Variants in PDE4D observed in about 807,000 individuals in gnomAD.
PDE4D encodes the protein phosphodiesterase 4D, also known as 3',5'-cyclic-AMP phosphodiesterase 4D.
PDE4D carries 24 observed loss-of-function variants against 87.4 expected under a neutral mutation model. The ratio of observed to expected loss-of-function variants is 0.27; its 90% CI spans 0.20 to 0.39. PDE4D has a LOEUF of 0.39. Ranked by LOEUF, PDE4D falls within the 10% of genes least tolerant of loss-of-function variation. The probability of loss-of-function intolerance (pLI) is 1.00; values close to 1 mark genes in which losing one functional copy is unlikely to be tolerated. For synonymous variants in PDE4D, 384 were observed against 383.2 expected, an observed-to-expected ratio of 1.00 and a Z score of -0.02; for missense variants, 714 against 1,041.0, an observed-to-expected ratio of 0.69 and a Z score of 4.32.
chr5:59,409,944 G>A (rs1159700415), intron 1 of PDE4D, among the ~76,000 whole-genome samples: 1 of 151,922 alleles, frequency 6.6e-6, no homozygotes, highest in Non-Finnish European at 1.5e-5. Flanking sequence ...ATTCTTATGA[G>A]TACATAGTAA....
intron 1 of PDE4D, among the ~76,000 whole-genome samples, chr5:59,631,615 G>C (rs1029075187): frequency 6.6e-6 from 1 of 152,056 alleles, no homozygotes; most frequent in Admixed American, 6.5e-5. Context: ...AGCAGGGTGG[G>C]GCGTCTCCCC....
At chr5:59,057,739 G>A (rs1469651859) in intron 5 of PDE4D, among the ~76,000 whole-genome samples, 3 of 152,126 alleles carry the variant, frequency 2.0e-5, no homozygotes, top group Non-Finnish European at 2.9e-5. Context: ...GCTTGTCTTC[G>A]CTGATTTGGT....
intron 7 of PDE4D, among the ~76,000 whole-genome samples, chr5:58,992,253 T>C (rs546195808): frequency 6.6e-6 from 1 of 152,190 alleles, no homozygotes; most frequent in Non-Finnish European, 1.5e-5. Context: ...GTTACCTCTT[T>C]GATACAATGT....
chr5:60,171,255 CAGAG>C (rs918000380), intron 2 of PDE4D, among the ~76,000 whole-genome samples: 4 of 151,876 alleles, frequency 2.6e-5, no homozygotes, highest in Non-Finnish European at 4.4e-5. Context: ...TTTTTGGAGA[CAGAG>C]AGAAATAAAA....
chr5:59,737,319 A>T (rs1758206331), intron 1 of PDE4D, among the ~76,000 whole-genome samples: 1 of 152,128 alleles, frequency 6.6e-6, no homozygotes, highest in South Asian at 2.1e-4. Flanking sequence ...TATATTACAA[A>T]ATGCCTTTCG....
intron 5 of PDE4D, chr5:59,039,528 T>C: frequency 1.0e-6 from 1 of 985,702 alleles, no homozygotes; most frequent in East Asian, 1.1e-4. Flanking sequence ...CTGTTTTCTT[T>C]CTCAACTCCT....
rs545810849 is a variant in PDE4D at position 59,561,990 on chromosome 5, A to G, written c.455+331178T>C. 4.6e-5 allele frequency among the ~76,000 whole-genome samples: 7 copies of G among 152,120 alleles called. No individual in the cohort carries two copies. The East Asian group carries it at 1.2e-3, about 25-fold the overall frequency. ...TAACTCCTGAAAGTGAATACTGTAC[A>G]TGTTTGCATGCATTTTATTCTTTGT... On this transcript the variant is annotated intron_variant, in intron 1 of 14. Coordinates refer to ENST00000340635, the MANE Select transcript of PDE4D (RefSeq NM_001104631.2).
chr5:59,804,870 C>A (rs922554201), intron 1 of PDE4D, among the ~76,000 whole-genome samples: 1 of 152,204 alleles, frequency 6.6e-6, no homozygotes, highest in Non-Finnish European at 1.5e-5. Flanking sequence ...CAGCTCACTG[C>A]AACCTCTGCC....
chr5:59,446,137 T>C (rs1262882409), intron 1 of PDE4D, among the ~76,000 whole-genome samples: 1 of 152,296 alleles, frequency 6.6e-6, no homozygotes, highest in South Asian at 2.1e-4. Flanking sequence ...GTGCTATATG[T>C]ATACACATAT....
chr5:60,385,027 G>T (rs1238345899), intron 1 of PDE4D, among the ~76,000 whole-genome samples: 1 of 152,110 alleles, frequency 6.6e-6, no homozygotes, highest in Non-Finnish European at 1.5e-5. Flanking sequence ...AACGAACTGT[G>T]CTTTCTAAAT....
rs113277350 is a variant in PDE4D, at chr5:59,859,350, G to A, written c.455+33818C>T. Among the ~76,000 whole-genome samples, 279 of 152,254 alleles carry A rather than the reference G, an allele frequency of 1.8e-3. 1 individual carries two copies. The highest frequency in any genetic ancestry group is 6.5e-3 in the African/African-American group (269 of 41,546). On this transcript the variant is annotated intron_variant, in intron 1 of 14. Transcript: ENST00000340635. ...AATAGGCAGTGTAGGTGTATAGAGGGTGGTTTCTAATGGTCATACTTCACC... is the reference window on the plus strand; with the variant it reads ...AATAGGCAGTGTAGGTGTATAGAGGATGGTTTCTAATGGTCATACTTCACC...
At chr5:60,286,900 A>C (rs1256022143) in intron 1 of PDE4D, among the ~76,000 whole-genome samples, 1 of 152,196 alleles carries the variant, frequency 6.6e-6, no homozygotes, top group African/African-American at 2.4e-5. Flanking sequence ...TCTTAGCCAC[A>C]AAGGGATGAG....
At chr5:59,085,337 G>C (rs1429342968) in intron 5 of PDE4D, among the ~76,000 whole-genome samples, 2 of 152,032 alleles carry the variant, frequency 1.3e-5, no homozygotes, top group Non-Finnish European at 1.5e-5. Flanking sequence ...ATTGTTGTTA[G>C]TAAAACTCCT....
intron 5 of PDE4D, among the ~76,000 whole-genome samples, chr5:59,140,672 A>G (rs1388515433): frequency 6.6e-6 from 1 of 152,214 alleles, no homozygotes; most frequent in Non-Finnish European, 1.5e-5. Flanking sequence ...TTTGTTACTG[A>G]ATATTTTCCA....
intron 1 of PDE4D, among the ~76,000 whole-genome samples, chr5:60,320,775 G>A (rs1756176020): frequency 1.3e-5 from 2 of 152,064 alleles, no homozygotes; most frequent in African/African-American, 2.4e-5. Flanking sequence ...TCCAAGCTGA[G>A]AACCAAATCA....
intron 2 of PDE4D, among the ~76,000 whole-genome samples, chr5:60,102,792 C>T (rs937617897): frequency 1.3e-5 from 2 of 152,062 alleles, no homozygotes; most frequent in Non-Finnish European, 2.9e-5. Flanking sequence ...AATCAATTTG[C>T]TTGGGCACAA....
intron 1 of PDE4D, among the ~76,000 whole-genome samples, chr5:59,621,537 T>C (rs116461119): frequency 0.013 from 1,976 of 152,310 alleles, 41 homozygotes; most frequent in African/African-American, 0.043. Flanking sequence ...AAAATAATGA[T>C]TGGGTATTCC....
chr5:59,589,565 T>C (rs913451870), intron 1 of PDE4D, among the ~76,000 whole-genome samples: 1 of 152,214 alleles, frequency 6.6e-6, no homozygotes, highest in Non-Finnish European at 1.5e-5. Context: ...TTTAAAAAGA[T>C]GTAAAAATAT....
chr5:58,989,685 T>G (rs1747409368), intron 10 of PDE4D, 70 bp downstream of exon 10: 5 of 903,974 alleles, frequency 5.5e-6, no homozygotes, highest in Non-Finnish European at 8.2e-6. Flanking sequence ...TGAAAACCCT[T>G]CAGATAAAAG....
Sources: gnomAD v4.1 joint callset for allele counts (sites outside exome capture counted in the v4.1 genomes callset) on GRCh38, gnomAD v4.1.1 for gene constraint, MANE v1.5 for transcripts, NCBI Gene and HGNC (gene_info 2026-07-23, HGNC 2026-07-21) for gene names.